The following TOPBP1 variants were observed in gnomAD, a reference collection of about 807,000 sequenced individuals.
The protein encoded by TOPBP1 is DNA topoisomerase 2-binding protein 1.
In TOPBP1, 28 loss-of-function variants were observed where a neutral mutation model predicts 167.7. The ratio of observed to expected loss-of-function variants is 0.17; its 90% CI spans 0.12 to 0.23. The LOEUF (loss-of-function observed/expected upper bound fraction) is 0.23. Among genes scored for constraint, TOPBP1 ranks in the 10% least tolerant of loss-of-function variants. The probability of loss-of-function intolerance (pLI) is 1.00; values close to 1 mark genes in which losing one functional copy is unlikely to be tolerated. For missense variants in TOPBP1, 1,554 were observed against 1,809.6 expected, an observed-to-expected ratio of 0.86 and a Z score of 2.56; for synonymous variants, 598 against 611.4, an observed-to-expected ratio of 0.98 and a Z score of 0.32.
Position 133,649,933 on chromosome 3 carries a change from C to T in TOPBP1, c.1100G>A (p.Cys367Tyr). ...ATCTAGCTTTCTGCCACTAAAACCG[C>T]AAAGATATATCTGCAAGAAAGAAAA... ...DLLDGCRIYL[C>Y]GFSGRKLDKL... Residue 367 changes from cysteine to tyrosine, a missense_variant, in exon 9 of 28, where the codon TGC (cysteine) becomes TAC (tyrosine). This residue lies in a region of TOPBP1 where 1,197 missense variants were observed against 1,351.5 expected (regional missense o/e 0.89). Coordinates refer to ENST00000260810, the MANE Select transcript of TOPBP1 (RefSeq NM_007027.4). 6.3e-7 allele frequency: 1 copy of T among 1,591,876 alleles called. No homozygotes were observed. The highest frequency in any genetic ancestry group is 8.5e-7 in the Non-Finnish European group (1 of 1,172,192).
At chr3:133,616,247 G>A (rs1934874154) in intron 23 of TOPBP1, among the ~76,000 whole-genome samples, 1 of 151,840 alleles carries the variant, frequency 6.6e-6, no homozygotes. Flanking sequence ...AGCCTCCTGA[G>A]TAACTAGGAT....
chr3:133,627,131 A>T (rs963048629), intron 16 of TOPBP1, among the ~76,000 whole-genome samples: 7 of 152,214 alleles, frequency 4.6e-5, no homozygotes, highest in Admixed American at 6.5e-5. Flanking sequence ...TCAGGAAAAG[A>T]TTTAATATAA....
chr3:133,620,393 T>G, intron 19 of TOPBP1, 46 bp from the exon 20 acceptor site: 2 of 1,563,500 alleles, frequency 1.3e-6, no homozygotes, highest in Non-Finnish European at 8.7e-7. Flanking sequence ...TTCCTCTTTT[T>G]TACCATATCT....
At chr3:133,642,045 A>G (rs1292853761) in intron 12 of TOPBP1, among the ~76,000 whole-genome samples, 2 of 151,984 alleles carry the variant, frequency 1.3e-5, no homozygotes, top group East Asian at 3.9e-4. Flanking sequence ...GCTGGAGTAT[A>G]GTTGTGTGAT....
chr3:133,603,821 A>G (rs1934397926), intron 27 of TOPBP1, among the ~76,000 whole-genome samples: 1 of 152,010 alleles, frequency 6.6e-6, no homozygotes, highest in South Asian at 2.1e-4. Flanking sequence ...GATCAACATT[A>G]TCAACCATAT....
chr3:133,618,935 T>C (rs946577719), intron 20 of TOPBP1, among the ~76,000 whole-genome samples: 4 of 152,072 alleles, frequency 2.6e-5, no homozygotes, highest in Admixed American at 6.6e-5. Flanking sequence ...TGGTAACCAC[T>C]TTCCAGAGTC....
chr3:133,619,626 G>T (rs1490323860), intron 20 of TOPBP1, among the ~76,000 whole-genome samples: 3 of 152,074 alleles, frequency 2.0e-5, no homozygotes, highest in Non-Finnish European at 4.4e-5. Flanking sequence ...ATTAGAAAAA[G>T]ACTCTGAAAA....
chr3:133,613,994 T>C (rs1315457149), intron 23 of TOPBP1, among the ~76,000 whole-genome samples: 1 of 152,048 alleles, frequency 6.6e-6, no homozygotes, highest in Non-Finnish European at 1.5e-5. Flanking sequence ...GGTTTCACCA[T>C]GTTTGCCAGG....
intron 7 of TOPBP1, among the ~76,000 whole-genome samples, 200 bp downstream of exon 7, chr3:133,653,145 G>A (rs767268057): frequency 6.6e-6 from 1 of 152,074 alleles, no homozygotes; most frequent in Non-Finnish European, 1.5e-5. Context: ...ATAAAAGACA[G>A]CATTCATTCA....
At chr3:133,650,364 T>TGTGG (rs1553726537) in intron 8 of TOPBP1, among the ~76,000 whole-genome samples, 10 of 99,314 alleles carry the variant, frequency 1.0e-4, no homozygotes, top group African/African-American at 3.8e-4. Context: ...TGTGTGTGTG[T>TGTGG]GGGGGGCGGG....
At chr3:133,647,417 G>A (rs1936114440) in intron 10 of TOPBP1, among the ~76,000 whole-genome samples, 1 of 152,136 alleles carries the variant, frequency 6.6e-6, no homozygotes, top group South Asian at 2.1e-4. Context: ...AGAATTCCTA[G>A]AGTCCTAGTA....
chr3:133,619,592 T>A (rs923749762), intron 20 of TOPBP1, among the ~76,000 whole-genome samples: 2 of 152,100 alleles, frequency 1.3e-5, no homozygotes, highest in African/African-American at 2.4e-5. Context: ...CCAACAAAAA[T>A]AACTTTAAGA....
rs763557269 is a variant in TOPBP1 at position 133,638,077 on chromosome 3, G to GT, written c.2318dup (p.His773GlnfsTer17). ...CTAAAGGTGTAACGACGGTTTTTCT[G>GT]TGAGTTTGCAGGCGTGTGCCAGGAT... On this transcript the variant is annotated frameshift_variant, in exon 14 of 28. Coordinates refer to ENST00000260810, the MANE Select transcript of TOPBP1 (RefSeq NM_007027.4). LOFTEE classifies it high-confidence loss of function. 1 of 1,613,990 alleles carries GT rather than the reference G, an allele frequency of 6.2e-7. No homozygotes were observed. The highest frequency in any genetic ancestry group is 1.3e-5 in the African/African-American group (1 of 75,030).
intron 5 of TOPBP1, 100 bp downstream of exon 5, chr3:133,656,576 T>G (rs936192539): frequency 5.9e-6 from 7 of 1,176,776 alleles, no homozygotes; most frequent in Middle Eastern, 2.7e-4. Flanking sequence ...TGACACTATT[T>G]TTTTCCCTGA....
chr3:133,658,005 C>G, intron 3 of TOPBP1, 64 bp from the exon 4 acceptor site: 1 of 1,284,108 alleles, frequency 7.8e-7, no homozygotes, highest in Non-Finnish European at 1.0e-6. Context: ...TACAAAATTA[C>G]ATTTTGTAAC....
At chr3:133,638,585 T>C (rs1935760307) in intron 13 of TOPBP1, among the ~76,000 whole-genome samples, 1 of 152,188 alleles carries the variant, frequency 6.6e-6, no homozygotes, top group Non-Finnish European at 1.5e-5. Context: ...CAGTCTAGTT[T>C]TGGAAAGTCC....
At chr3:133,655,088 C>T (rs1361130968) in intron 6 of TOPBP1, among the ~76,000 whole-genome samples, 1 of 152,094 alleles carries the variant, frequency 6.6e-6, no homozygotes, top group Admixed American at 6.5e-5. Flanking sequence ...TGCCTGTAAT[C>T]CCGCTACTCG....
At chr3:133,627,322 G>GA (rs777586759) in intron 16 of TOPBP1, among the ~76,000 whole-genome samples, 49 of 150,404 alleles carry the variant, frequency 3.3e-4, no homozygotes, top group African/African-American at 1.1e-3. Context: ...CAATTTTGAG[G>GA]AAAAAAAAAT....
chr3:133,622,185 G>GGTT (rs765836012), intron 19 of TOPBP1, among the ~76,000 whole-genome samples: 1 of 106,448 alleles, frequency 9.4e-6, no homozygotes, highest in East Asian at 2.7e-4. Context: ...CACCATTTAT[G>GGTT]TTTTTTTTTT....
Sources: gnomAD v4.1 joint callset for allele counts (sites outside exome capture counted in the v4.1 genomes callset) on GRCh38, gnomAD v4.1.1 for gene constraint, gnomAD v4.1.1 regional missense constraint, MANE v1.5 for transcripts, NCBI Gene and HGNC (gene_info 2026-07-23, HGNC 2026-07-21) for gene names.